The following BLTP1 variants were observed in gnomAD, a reference collection of about 807,000 sequenced individuals.
BLTP1 encodes bridge-like lipid transfer protein family member 1, also known as fragile site-associated protein.
At chr4:122,243,186 C>G in the BLTP1 span, 1 of 1,049,342 alleles carries the variant, frequency 9.5e-7, no homozygotes, top group East Asian at 2.7e-5. Context: ...AATAAATTAC[C>G]AAAATAATTC....
the BLTP1 span, chr4:122,336,727 G>A: frequency 1.5e-5 from 13 of 866,498 alleles, no homozygotes; most frequent in Admixed American, 6.2e-5. Flanking sequence ...CAAGAGGTGC[G>A]AACAGGGAAA....
the BLTP1 span, among the ~76,000 whole-genome samples, chr4:122,191,625 A>G: frequency 6.6e-6 from 1 of 152,170 alleles, no homozygotes; most frequent in Non-Finnish European, 1.5e-5. Flanking sequence ...GTTTAGTGAT[A>G]TGGCTTCAGA....
At chr4:122,189,055 AG>A in the BLTP1 span, 29 of 984,506 alleles carry the variant, frequency 2.9e-5, no homozygotes, top group Non-Finnish European at 3.1e-5. Flanking sequence ...AATGTGTATG[AG>A]TGAAGGTATA....
At chr4:122,263,248 A>G in the BLTP1 span, 1 of 984,802 alleles carries the variant, frequency 1.0e-6, no homozygotes, top group Non-Finnish European at 1.2e-6. Flanking sequence ...GCAACATAGA[A>G]TTTCCCCTGT....
chr4:122,332,397 A>G, the BLTP1 span, among the ~76,000 whole-genome samples: 1 of 151,928 alleles, frequency 6.6e-6, no homozygotes, highest in Non-Finnish European at 1.5e-5. Flanking sequence ...ATTTAGCTGT[A>G]TTTTTACTAT....
the BLTP1 span, chr4:122,353,271 A>T: frequency 4.1e-6 from 6 of 1,472,932 alleles, no homozygotes; most frequent in East Asian, 1.4e-4. The surrounding 1 kb of genome is among the most constrained non-coding windows in gnomAD (Gnocchi z 4.3). Context: ...CATGTTAAGG[A>T]GTTCACTACC....
At chr4:122,177,985 T>G in the BLTP1 span, 3 of 351,078 alleles carry the variant, frequency 8.5e-6, no homozygotes, top group East Asian at 5.0e-4. Flanking sequence ...TGTTCTGTAC[T>G]GTATACTTGG....
the BLTP1 span, chr4:122,257,391 A>G: frequency 3.1e-6 from 5 of 1,614,058 alleles, no homozygotes; most frequent in Non-Finnish European, 4.2e-6. Flanking sequence ...CTGAAACCTC[A>G]AATAGCTATG....
At chr4:122,157,938 C>T in the BLTP1 span, among the ~76,000 whole-genome samples, 1 of 152,042 alleles carries the variant, frequency 6.6e-6, no homozygotes, top group Admixed American at 6.5e-5. Context: ...GACCATTTTC[C>T]CCTCCCTGTC....
At chr4:122,235,794 G>A in the BLTP1 span, among the ~76,000 whole-genome samples, 2 of 151,836 alleles carry the variant, frequency 1.3e-5, no homozygotes, top group African/African-American at 4.8e-5. Flanking sequence ...GACAGAGCGA[G>A]ACTCCGTCTC....
At chr4:122,224,812 T>TG in the BLTP1 span, 1 of 1,557,632 alleles carries the variant, frequency 6.4e-7, no homozygotes, top group East Asian at 2.4e-5. Context: ...GAGTCATTCT[T>TG]GCCATTCAGA....
At chr4:122,196,965 G>A in the BLTP1 span, among the ~76,000 whole-genome samples, 2 of 151,912 alleles carry the variant, frequency 1.3e-5, no homozygotes, top group African/African-American at 4.8e-5. Context: ...TCAAATAATG[G>A]GAAGAAATTA....
At chr4:122,288,235 C>T in the BLTP1 span, among the ~76,000 whole-genome samples, 1 of 152,160 alleles carries the variant, frequency 6.6e-6, no homozygotes, top group Non-Finnish European at 1.5e-5. Context: ...ATTAAGGACA[C>T]AAACCTTAAC....
At chr4:122,342,725 G>A in the BLTP1 span, among the ~76,000 whole-genome samples, 1 of 152,166 alleles carries the variant, frequency 6.6e-6, no homozygotes, top group East Asian at 1.9e-4. Context: ...CAAATTCAAG[G>A]AAAAAGATCA....
the BLTP1 span, chr4:122,263,468 T>C: frequency 1.9e-6 from 3 of 1,608,386 alleles, no homozygotes; most frequent in Admixed American, 3.4e-5. Flanking sequence ...TGATATGTTA[T>C]CTGAACATCC....
the BLTP1 span, among the ~76,000 whole-genome samples, chr4:122,218,342 A>G: frequency 3.9e-5 from 6 of 152,176 alleles, no homozygotes; most frequent in Admixed American, 6.5e-5. Context: ...TAAGATTTCA[A>G]GCAGGTTTCA....
At chr4:122,201,887 A>C in the BLTP1 span, 3 of 984,808 alleles carry the variant, frequency 3.0e-6, no homozygotes, top group Non-Finnish European at 3.6e-6. Flanking sequence ...ATCGATGCTG[A>C]GTACTATTAG....
At chr4:122,171,037 C>A in the BLTP1 span, among the ~76,000 whole-genome samples, 4 of 152,080 alleles carry the variant, frequency 2.6e-5, no homozygotes, top group South Asian at 2.1e-4. Flanking sequence ...CTTCTCGACT[C>A]AACACACACC....
At chr4:122,152,710 C>G in the BLTP1 span, 1 of 873,732 alleles carries the variant, frequency 1.1e-6, no homozygotes, top group Non-Finnish European at 1.4e-6. Flanking sequence ...GCGGCGACTC[C>G]TTCATATTCC....
Sources: gnomAD v4.1 joint callset for allele counts (sites outside exome capture counted in the v4.1 genomes callset) on GRCh38, gnomAD v4.1.1 for gene constraint, Gnocchi (gnomAD v3.1) non-coding constraint, MANE v1.5 for transcripts, NCBI Gene and HGNC (gene_info 2026-07-23, HGNC 2026-07-21) for gene names.